UMAD1: variants seen among roughly 807,000 people sequenced by gnomAD.
UMAD1 encodes UBAP1-MVB12-associated (UMA) domain containing 1, also known as UBAP1-MVB12-associated (UMA)-domain containing protein 1.
In UMAD1, 8 loss-of-function variants were observed where a neutral mutation model predicts 6.1. The observed-to-expected ratio is 1.30, with a 90% CI of 0.76 to 2.35. UMAD1 has a LOEUF of 2.35. Ranked by LOEUF, UMAD1 falls within the 30% of genes most tolerant of loss-of-function variation. The probability of loss-of-function intolerance (pLI) is 0.00; values close to 1 mark genes in which losing one functional copy is unlikely to be tolerated. For synonymous variants in UMAD1, 56 were observed against 31.4 expected (o/e 1.78, Z -2.61); for missense variants, 130 against 78.4 (o/e 1.66, Z -2.49).
chr7:7,708,736 A>G (rs532400576), intron 2 of UMAD1, among the ~76,000 whole-genome samples: 1 of 152,310 alleles, frequency 6.6e-6, no homozygotes, highest in South Asian at 2.1e-4. Flanking sequence ...GAAACGAGCA[A>G]CTATGTTTAT....
intron 3 of UMAD1, among the ~76,000 whole-genome samples, chr7:7,851,485 T>A (rs1468935028): frequency 6.6e-6 from 1 of 152,178 alleles, no homozygotes; most frequent in Non-Finnish European, 1.5e-5. Context: ...GCCAGAACAT[T>A]TTCTGAAGTA....
At chr7:7,692,141 T>C (rs562191211) in intron 2 of UMAD1, among the ~76,000 whole-genome samples, 2 of 152,258 alleles carry the variant, frequency 1.3e-5, no homozygotes, top group South Asian at 4.1e-4. Context: ...TTTTCTGCAC[T>C]CTCGCACACA....
chr7:7,818,480 AG>A (rs1783175219), intron 3 of UMAD1, among the ~76,000 whole-genome samples: 1 of 152,220 alleles, frequency 6.6e-6, no homozygotes. Context: ...GTCTCACATC[AG>A]TCAGAATGGC....
intron 3 of UMAD1, among the ~76,000 whole-genome samples, chr7:7,823,005 T>C (rs1783269887): frequency 6.6e-6 from 1 of 152,158 alleles, no homozygotes. Flanking sequence ...ATGAACATTA[T>C]TTATTCTTTC....
intron 2 of UMAD1, among the ~76,000 whole-genome samples, chr7:7,767,549 G>C (rs1782013571): frequency 6.6e-6 from 1 of 152,132 alleles, no homozygotes; most frequent in Non-Finnish European, 1.5e-5. Flanking sequence ...TTAATAAAAG[G>C]ATAAATATTT....
chr7:7,772,450 A>G (rs1034929306), intron 2 of UMAD1: 3 of 152,224 alleles, frequency 2.0e-5, no homozygotes, highest in African/African-American at 4.8e-5. Context: ...CTTCTGGTAC[A>G]TCTGGTAAGT....
At chr7:7,660,886 T>C (rs1019589492) in intron 1 of UMAD1, among the ~76,000 whole-genome samples, 1 of 152,256 alleles carries the variant, frequency 6.6e-6, no homozygotes. Context: ...GATAATATCC[T>C]GAAGAGTGTT....
chr7:7,803,951 T>G lies in UMAD1; in HGVS notation c.156+2208T>G, dbSNP rs113993699. ...AACTTGACTATTTTTCAAAGTTGAT[T>G]CATTGATAGAAAGAATTCCAAGACT... On this transcript the variant is annotated intron_variant, in intron 3 of 3. Coordinates refer to ENST00000682710, the MANE Select transcript of UMAD1 (RefSeq NM_001302348.2). Among the ~76,000 whole-genome samples, 589 of 152,330 alleles carry G rather than the reference T, an allele frequency of 3.9e-3. 3 individuals are homozygous for G. The highest frequency in any genetic ancestry group is 0.014 in the African/African-American group (563 of 41,572).
At chr7:7,772,541 A>G (rs947305855) in intron 2 of UMAD1, 6 of 152,242 alleles carry the variant, frequency 3.9e-5, no homozygotes, top group African/African-American at 1.4e-4. Flanking sequence ...ATCAAAGGCC[A>G]TGAATCAGAA....
chr7:7,711,739 G>T (rs760661806), intron 2 of UMAD1, among the ~76,000 whole-genome samples: 3 of 152,032 alleles, frequency 2.0e-5, no homozygotes, highest in Non-Finnish European at 2.9e-5. Context: ...TACAAATTTT[G>T]TTGCATTTTA....
intron 2 of UMAD1, among the ~76,000 whole-genome samples, chr7:7,771,192 G>A (rs1417009346): frequency 6.6e-6 from 1 of 151,608 alleles, no homozygotes; most frequent in African/African-American, 2.4e-5. Context: ...AGCAAAACCA[G>A]CCTAAGTTGT....
At chr7:7,765,830 A>G (rs17137480) in intron 2 of UMAD1, among the ~76,000 whole-genome samples, 5,750 of 152,288 alleles carry the variant, frequency 0.038, 298 homozygotes, top group African/African-American at 0.11. Context: ...GCATATATCT[A>G]TCTGGTTTTA....
intron 2 of UMAD1, among the ~76,000 whole-genome samples, chr7:7,685,638 A>G (rs1203331752): frequency 6.6e-6 from 1 of 152,180 alleles, no homozygotes; most frequent in Non-Finnish European, 1.5e-5. Flanking sequence ...GAATTTCTAA[A>G]AAATTTAAGT....
intron 1 of UMAD1, among the ~76,000 whole-genome samples, chr7:7,665,314 A>G (rs1222881113): frequency 6.6e-6 from 1 of 152,230 alleles, no homozygotes; most frequent in African/African-American, 2.4e-5. Context: ...AGGCCCTTTT[A>G]TACGCAGTCT....
At chr7:7,748,454 A>G (rs1384486705) in intron 2 of UMAD1, among the ~76,000 whole-genome samples, 3 of 152,136 alleles carry the variant, frequency 2.0e-5, no homozygotes, top group Non-Finnish European at 4.4e-5. Context: ...CTGCCACAGA[A>G]CTAGATAACC....
At chr7:7,666,184 TTTTGTTTGTTTG>T (rs146878102) in intron 1 of UMAD1, among the ~76,000 whole-genome samples, 22 of 150,322 alleles carry the variant, frequency 1.5e-4, no homozygotes, top group East Asian at 4.0e-4. Context: ...GGAAAGTGTT[TTTTGTTTGTTTG>T]TTTGTTTGTT....
At chr7:7,780,515 A>T (rs550563032) in intron 2 of UMAD1, among the ~76,000 whole-genome samples, 1 of 152,348 alleles carries the variant, frequency 6.6e-6, no homozygotes, top group East Asian at 1.9e-4. Context: ...ATACATGCAG[A>T]AACATGCACA....
chr7:7,672,608 G>T (rs1779634653), intron 1 of UMAD1, among the ~76,000 whole-genome samples: 1 of 152,162 alleles, frequency 6.6e-6, no homozygotes, highest in African/African-American at 2.4e-5. Flanking sequence ...GATAGTGAGT[G>T]AGTTCTCATG....
intron 2 of UMAD1, among the ~76,000 whole-genome samples, chr7:7,720,368 T>C (rs558369035): frequency 6.6e-6 from 1 of 152,282 alleles, no homozygotes; most frequent in South Asian, 2.1e-4. Context: ...ACCCTGGGCC[T>C]CTTCCCCATC....
Sources: gnomAD v4.1 joint callset for allele counts (sites outside exome capture counted in the v4.1 genomes callset) on GRCh38, gnomAD v4.1.1 for gene constraint, MANE v1.5 for transcripts, NCBI Gene and HGNC (gene_info 2026-07-23, HGNC 2026-07-21) for gene names.